Variants in CASP8 observed in about 807,000 individuals in gnomAD.
The protein encoded by CASP8 is caspase 8, also known as caspase-8.
Under a neutral mutation model 46.3 loss-of-function variants are expected in CASP8, and 24 were observed. The ratio of observed to expected loss-of-function variants is 0.52; its 90% confidence interval spans 0.38 to 0.73. The LOEUF (loss-of-function observed/expected upper bound fraction) is 0.73, where lower values mean the gene tolerates loss of function less well. Among genes scored for constraint, CASP8 ranks in the 30% least tolerant of loss-of-function variants. The pLI is 0.00. For missense variants in CASP8, 460 were observed against 559.0 expected (o/e 0.82, Z 1.79); for synonymous variants, 188 against 200.4 (o/e 0.94, Z 0.52).
chr2:201,258,051 G>A (rs150098853), upstream of CASP8: 34 of 679,884 alleles, frequency 5.0e-5, no homozygotes, highest in Non-Finnish European at 7.8e-5. Flanking sequence ...TCTCTGTTCT[G>A]CTTTAGGAGT....
At chr2:201,246,173 T>G (rs1446600523) in intron 2 of CASP8, among the ~76,000 whole-genome samples, 2 of 152,178 alleles carry the variant, frequency 1.3e-5, no homozygotes, top group East Asian at 3.9e-4. Context: ...CATTTGTTCT[T>G]TCTAATTTAG....
chr2:201,250,371 G>C (rs536854999), intron 2 of CASP8, among the ~76,000 whole-genome samples: 177 of 152,336 alleles, frequency 1.2e-3, no homozygotes, highest in Admixed American at 3.1e-3. Flanking sequence ...AATCTATAAA[G>C]AAAAGAGTTT....
At position 201,274,941 on chromosome 2, in the gene CASP8, T is replaced by G; in HGVS notation, c.648T>G (p.Asp216Glu). Residue 216 changes from aspartate (D) to glutamate (E), a missense_variant, in exon 6 of 9, where the codon GAT (aspartate) becomes GAG (glutamate). Coordinates refer to ENST00000673742, the MANE Select transcript of CASP8 (RefSeq NM_001372051.1). ...TCTCGGACTCTCCAAGAGAACAGGATAGTGAATCACAGGTAGACGGAAACC... is the reference window on the plus strand; with the variant it reads ...TCTCGGACTCTCCAAGAGAACAGGAGAGTGAATCACAGGTAGACGGAAACC... The part of the protein sequence containing the change: ...MTISDSPREQ[D>E]SESQTLDKVY... The G allele has an allele frequency of 6.2e-7, 1 of 1,611,424 alleles. No homozygotes were observed. Among genetic ancestry groups the G allele is most frequent in the Non-Finnish European group, 8.5e-7 (1 of 1,177,614 alleles).
intron 3 of CASP8, among the ~76,000 whole-genome samples, chr2:201,271,982 T>C (rs1193575529): frequency 5.3e-5 from 8 of 152,100 alleles, no homozygotes; most frequent in African/African-American, 1.7e-4. Flanking sequence ...CTGTGTGTTG[T>C]GTGTGTATTT....
At chr2:201,259,120 T>G (rs1001569088), upstream of CASP8, among the ~76,000 whole-genome samples, 1 of 152,176 alleles carries the variant, frequency 6.6e-6, no homozygotes, top group Non-Finnish European at 1.5e-5. Flanking sequence ...CAATTATTAT[T>G]GCATATTAAT....
intron 7 of CASP8, among the ~76,000 whole-genome samples, chr2:201,283,660 T>C (rs1576380588): frequency 1.3e-5 from 1 of 74,526 alleles, no homozygotes; most frequent in Non-Finnish European, 3.1e-5. Flanking sequence ...GAGGCGCCCC[T>C]CACCTCCCGG....
chr2:201,286,364 A>C, intron 8 of CASP8, 95 bp from the exon 9 acceptor site: 5 of 1,456,276 alleles, frequency 3.4e-6, no homozygotes, highest in Non-Finnish European at 4.8e-6. Context: ...TTTTGAGAGA[A>C]AGAACTACAG....
At chr2:201,264,096 A>G (rs1329934877) in intron 1 of CASP8, among the ~76,000 whole-genome samples, 1 of 152,242 alleles carries the variant, frequency 6.6e-6, no homozygotes, top group East Asian at 1.9e-4. Flanking sequence ...TACATTATGT[A>G]GATCACGCAG....
chr2:201,243,187 T>G (rs948290126), intron 2 of CASP8, among the ~76,000 whole-genome samples: 1 of 152,210 alleles, frequency 6.6e-6, no homozygotes, highest in African/African-American at 2.4e-5. Flanking sequence ...AATACTGTAT[T>G]GTACACTTAA....
Position 201,266,605 on chromosome 2 carries a change from A to T in CASP8, c.119A>T (p.Asp40Val). The T allele has an allele frequency of 6.2e-7, 1 of 1,614,186 alleles. No homozygotes were observed. The highest frequency in any genetic ancestry group is 8.5e-7 in the Non-Finnish European group (1 of 1,179,998). Residue 40 changes from aspartate (D) to valine (V), a missense_variant, in exon 2 of 9, where the codon GAT becomes GTT. Coordinates refer to ENST00000673742, the MANE Select transcript of CASP8 (RefSeq NM_001372051.1). This position sits in a 1 kb window ranked among gnomAD's most constrained non-coding sequence, Gnocchi z 5.7. ...CAAAGGAAGCAAGAACCCATCAAGG[A>T]TGCCTTGATGTTATTCCAGAGACTC... ...IPQRKQEPIK[D>V]ALMLFQRLQE...
At chr2:201,246,232 A>G (rs905990489) in intron 2 of CASP8, among the ~76,000 whole-genome samples, 2 of 152,118 alleles carry the variant, frequency 1.3e-5, no homozygotes, top group African/African-American at 2.4e-5. Flanking sequence ...TCAGTCTGGC[A>G]TGTGTGGGAA....
At chr2:201,250,565 A>G (rs1379454331) in intron 2 of CASP8, among the ~76,000 whole-genome samples, 2 of 152,224 alleles carry the variant, frequency 1.3e-5, no homozygotes, top group Non-Finnish European at 2.9e-5. Context: ...AACAACCAGA[A>G]TATCATGAGA....
chr2:201,274,800 C>T lies in CASP8; in HGVS notation c.596-89C>T, dbSNP rs972629948. 30 of 1,030,748 alleles carry T rather than the reference C, an allele frequency of 2.9e-5. No individual in the cohort carries two copies. The African/African-American group carries it at 4.5e-4, about 16-fold the overall frequency. The allele number at this position is 1,030,748 out of a possible 1,614,324, so 63.9% of individuals were successfully genotyped here. On this transcript the variant is annotated intron_variant, in intron 5 of 8. Transcript: ENST00000673742. ...CTTGAATTTTCATCTTAAAAAAGAC[C>T]TTATGTTGTCCTATGTGCTACATAT...
intron 7 of CASP8, among the ~76,000 whole-genome samples, chr2:201,278,591 C>T (rs1948799186): frequency 6.6e-6 from 1 of 150,904 alleles, no homozygotes; most frequent in Admixed American, 6.6e-5. Flanking sequence ...GGCTGCAGTG[C>T]AATAACATGA....
intron 2 of CASP8, among the ~76,000 whole-genome samples, chr2:201,252,430 C>A (rs954124157): frequency 3.9e-5 from 6 of 152,156 alleles, no homozygotes; most frequent in Non-Finnish European, 8.8e-5. Context: ...TGTGTGCCAC[C>A]ATGCCCAGCT....
chr2:201,250,755 G>A (rs577381416), intron 2 of CASP8, among the ~76,000 whole-genome samples: 24 of 152,302 alleles, frequency 1.6e-4, no homozygotes, highest in African/African-American at 4.6e-4. Context: ...GTGGTAGCAC[G>A]TCCTGAATCC....
Position 201,266,082 on chromosome 2 carries a change from C to A in CASP8, c.-26-379C>A, listed in dbSNP as rs550295137. 1.8e-4 allele frequency among the ~76,000 whole-genome samples: 28 copies of A among 151,868 alleles called. No homozygotes were observed. In the South Asian group the frequency reaches 5.8e-3, roughly 32 times the overall value. ...GCAACCTCCACCTCCTGGGTTCAAG[C>A]GATTCTCCTGCCCCAGCCTCCTGAG... On this transcript the variant is annotated intron_variant, in intron 1 of 8. Coordinates refer to ENST00000673742, the MANE Select transcript of CASP8 (RefSeq NM_001372051.1). The surrounding 1 kb of genome is among the most constrained non-coding windows in gnomAD (Gnocchi z 5.7).
chr2:201,249,465 T>G (rs1444469227), intron 2 of CASP8, among the ~76,000 whole-genome samples: 1 of 152,254 alleles, frequency 6.6e-6, no homozygotes, highest in Non-Finnish European at 1.5e-5. Context: ...CTGGGCATGG[T>G]GGTATGCACC....
chr2:201,238,593 C>T (rs1946158902), intron 2 of CASP8, among the ~76,000 whole-genome samples: 1 of 151,892 alleles, frequency 6.6e-6, no homozygotes, highest in South Asian at 2.1e-4. Flanking sequence ...AGGCATGTGC[C>T]GCTATGCCTG....
Sources: gnomAD v4.1 joint callset for allele counts (sites outside exome capture counted in the v4.1 genomes callset) on GRCh38, gnomAD v4.1.1 for gene constraint, Gnocchi (gnomAD v3.1) non-coding constraint, MANE v1.5 for transcripts, NCBI Gene and HGNC (gene_info 2026-07-23, HGNC 2026-07-21) for gene names.